PDE11A: variants seen among roughly 807,000 people sequenced by gnomAD.
PDE11A encodes the protein dual 3',5'-cyclic-AMP and -GMP phosphodiesterase 11A.
PDE11A carries 100 observed loss-of-function variants against 100.5 expected under a neutral mutation model. That is an observed-to-expected ratio of 1.00 (90% CI 0.85 to 1.18). The LOEUF (loss-of-function observed/expected upper bound fraction) is 1.18, where lower values mean the gene tolerates loss of function less well. PDE11A is among the 50% of genes most tolerant of loss of function. The probability of loss-of-function intolerance (pLI) is 0.00; values close to 1 mark genes in which losing one functional copy is unlikely to be tolerated. For synonymous variants in PDE11A, 381 were observed against 420.8 expected, an observed-to-expected ratio of 0.91 and a Z score of 1.16; for missense variants, 1,141 against 1,152.6, an observed-to-expected ratio of 0.99 and a Z score of 0.15.
At chr2:177,879,966 A>G (rs1249806825) in intron 4 of PDE11A, among the ~76,000 whole-genome samples, 1 of 152,226 alleles carries the variant, frequency 6.6e-6, no homozygotes, top group African/African-American at 2.4e-5. Flanking sequence ...TTCTAAATTC[A>G]TTTTTAATGT....
At chr2:177,995,236 C>T (rs1248618342) in intron 2 of PDE11A, among the ~76,000 whole-genome samples, 6 of 152,008 alleles carry the variant, frequency 3.9e-5, no homozygotes, top group African/African-American at 1.5e-4. Flanking sequence ...TTTTATATTC[C>T]TTTGTCTGTT....
intron 2 of PDE11A, among the ~76,000 whole-genome samples, chr2:178,013,482 G>T (rs765180488): frequency 3.9e-5 from 6 of 152,082 alleles, no homozygotes; most frequent in Non-Finnish European, 8.8e-5. Context: ...CAGAACATTT[G>T]CATTAATTTA....
At chr2:177,956,900 G>A (rs2085570786) in intron 2 of PDE11A, among the ~76,000 whole-genome samples, 1 of 152,054 alleles carries the variant, frequency 6.6e-6, no homozygotes, top group African/African-American at 2.4e-5. Flanking sequence ...TCACACACTG[G>A]GGACTGTTGT....
At chr2:177,716,968 C>A (rs889183573) in intron 12 of PDE11A, among the ~76,000 whole-genome samples, 2 of 152,096 alleles carry the variant, frequency 1.3e-5, no homozygotes, top group Admixed American at 1.3e-4. Context: ...CCTGCTCTGC[C>A]CAGAAATCTA....
chr2:177,776,544 CCCA>C (rs2082380426), intron 9 of PDE11A, among the ~76,000 whole-genome samples: 1 of 151,002 alleles, frequency 6.6e-6, no homozygotes, highest in Non-Finnish European at 1.5e-5. Context: ...CCCCCCAATC[CCCA>C]CCAATTCATT....
At chr2:178,049,220 G>C (rs1419739949) in intron 1 of PDE11A, among the ~76,000 whole-genome samples, 1 of 152,230 alleles carries the variant, frequency 6.6e-6, no homozygotes, top group Non-Finnish European at 1.5e-5. Flanking sequence ...AGTTGTGGTA[G>C]TAGAGTTGGA....
chr2:177,941,044 A>T (rs1362459943), intron 2 of PDE11A, among the ~76,000 whole-genome samples: 1 of 152,202 alleles, frequency 6.6e-6, no homozygotes, highest in Non-Finnish European at 1.5e-5. Context: ...CACAACTCCC[A>T]GCTGAACTCC....
rs941271 is a variant in PDE11A at position 177,667,752 on chromosome 2, A to C, written c.2562+1741T>G. ...AGATGGTGTCTTACTCATTGCTGGA[A>C]ACAAGGTGCCTTGCTTCATGCCCGA... On this transcript the variant is annotated intron_variant, in intron 18 of 19. Transcript: ENST00000286063. 5.9e-5 allele frequency among the ~76,000 whole-genome samples: 9 copies of C among 152,092 alleles called. No individual in the cohort carries two copies. In the East Asian group the frequency reaches 9.7e-4, roughly 16 times the overall value.
intron 5 of PDE11A, among the ~76,000 whole-genome samples, chr2:177,853,204 T>G (rs1300520822): frequency 6.6e-6 from 1 of 152,168 alleles, no homozygotes; most frequent in Non-Finnish European, 1.5e-5. Context: ...AATTTTATTA[T>G]TATCTCTAAT....
chr2:177,771,639 A>G (rs934930048), intron 9 of PDE11A, among the ~76,000 whole-genome samples: 11 of 152,262 alleles, frequency 7.2e-5, no homozygotes, highest in African/African-American at 2.2e-4. Flanking sequence ...GAAAAAAATT[A>G]CAGTGTATTA....
At chr2:177,694,562 A>G (rs1234222774) in intron 15 of PDE11A, among the ~76,000 whole-genome samples, 3 of 152,206 alleles carry the variant, frequency 2.0e-5, no homozygotes, top group Non-Finnish European at 4.4e-5. Context: ...TGTTATCTCC[A>G]TTTTATACTT....
intron 9 of PDE11A, among the ~76,000 whole-genome samples, chr2:177,813,321 T>C (rs1024759963): frequency 6.6e-6 from 1 of 152,232 alleles, no homozygotes; most frequent in Admixed American, 6.5e-5. Flanking sequence ...CTAATTGGTC[T>C]CTTGGCTGAA....
intron 15 of PDE11A, among the ~76,000 whole-genome samples, chr2:177,690,401 T>C (rs1222646106): frequency 6.6e-6 from 1 of 152,226 alleles, no homozygotes; most frequent in African/African-American, 2.4e-5. Context: ...ACTGTGGAAG[T>C]TGAGGACACT....
chr2:177,751,821 A>G (rs2082030092), intron 10 of PDE11A, among the ~76,000 whole-genome samples: 1 of 152,210 alleles, frequency 6.6e-6, no homozygotes, highest in Non-Finnish European at 1.5e-5. Flanking sequence ...ATATTTATTG[A>G]GCATCTACAA....
At chr2:178,105,373 T>C (rs937042198) in intron 1 of PDE11A, among the ~76,000 whole-genome samples, 4 of 152,080 alleles carry the variant, frequency 2.6e-5, no homozygotes, top group African/African-American at 9.7e-5. Context: ...AGCAGAGAAT[T>C]GCTTGAACCT....
At chr2:178,038,751 A>G (rs2086647490) in intron 1 of PDE11A, among the ~76,000 whole-genome samples, 1 of 152,142 alleles carries the variant, frequency 6.6e-6, no homozygotes, top group South Asian at 2.1e-4. Flanking sequence ...CTGTCCATAG[A>G]TCAGGTGGCC....
At position 177,832,813 on chromosome 2, in the gene PDE11A, C is replaced by T. The variant is rs563510233; in HGVS notation, c.1500+7438G>A. 5.6e-4 allele frequency among the ~76,000 whole-genome samples: 86 copies of T among 152,230 alleles called. 2 individuals are homozygous for T. Among genetic ancestry groups the T allele is most frequent in the Middle Eastern group, 3.4e-3 (1 of 294 alleles). On this transcript the variant is annotated intron_variant, in intron 6 of 19. Transcript: ENST00000286063. Reference sequence around the variant, plus strand: ...CAGTAAACACACTATGTGTGCTCCCCTTCCAAGCGCTAGCAGGCCACTATG... The same window carrying T: ...CAGTAAACACACTATGTGTGCTCCCTTTCCAAGCGCTAGCAGGCCACTATG...
upstream of PDE11A, among the ~76,000 whole-genome samples, chr2:178,074,608 T>G (rs1019966956): frequency 4.6e-5 from 7 of 152,174 alleles, no homozygotes; most frequent in Non-Finnish European, 1.0e-4. Context: ...GTATTCATTA[T>G]ACAAGCAGTT....
At chr2:177,715,389 C>T (rs1023694876) in intron 12 of PDE11A, among the ~76,000 whole-genome samples, 3 of 152,016 alleles carry the variant, frequency 2.0e-5, no homozygotes, top group South Asian at 2.1e-4. Context: ...CTTTTTTCCC[C>T]GTTCAATTTG....
Sources: allele counts gnomAD v4.1 joint callset (sites outside exome capture counted in the v4.1 genomes callset), GRCh38; gene constraint gnomAD v4.1.1; transcripts MANE v1.5; gene names NCBI Gene and HGNC (gene_info 2026-07-23, HGNC 2026-07-21).